GRID1: variants seen among roughly 807,000 people sequenced by gnomAD.
GRID1 encodes the protein glutamate ionotropic receptor delta type subunit 1, also known as glutamate receptor ionotropic, delta-1.
A neutral mutation model predicts 98.0 loss-of-function variants in GRID1; 28 were observed. The observed-to-expected ratio is 0.29, with a 90% CI of 0.21 to 0.39. The LOEUF (loss-of-function observed/expected upper bound fraction) is 0.39. Among genes scored for constraint, GRID1 ranks in the 10% least tolerant of loss-of-function variants. The probability of loss-of-function intolerance (pLI) is 1.00; values close to 1 mark genes in which losing one functional copy is unlikely to be tolerated. For synonymous variants in GRID1, 553 were observed against 538.5 expected, an observed-to-expected ratio of 1.03 and a Z score of -0.37; for missense variants, 1,111 against 1,340.5, an observed-to-expected ratio of 0.83 and a Z score of 2.67.
intron 13 of GRID1, among the ~76,000 whole-genome samples, chr10:85,622,470 G>A (rs772048366): frequency 2.0e-5 from 3 of 152,024 alleles, no homozygotes; most frequent in Non-Finnish European, 2.9e-5. Flanking sequence ...TGAACTCCTG[G>A]GCTCAAGCAA....
chr10:85,748,657 G>A (rs1412872105), intron 8 of GRID1, among the ~76,000 whole-genome samples: 1 of 152,020 alleles, frequency 6.6e-6, no homozygotes, highest in East Asian at 1.9e-4. Flanking sequence ...ATTGATAGCA[G>A]GTCCTCGTGA....
At chr10:86,222,332 G>A (rs942894078) in intron 2 of GRID1, among the ~76,000 whole-genome samples, 1 of 152,182 alleles carries the variant, frequency 6.6e-6, no homozygotes, top group African/African-American at 2.4e-5. Flanking sequence ...CCCAGCCCAG[G>A]GGGAGGGCGT....
At chr10:85,673,640 G>T (rs1018333014) in intron 12 of GRID1, among the ~76,000 whole-genome samples, 1 of 152,070 alleles carries the variant, frequency 6.6e-6, no homozygotes, top group Admixed American at 6.5e-5. Context: ...TGAGCATAAG[G>T]TACTTTAAAA....
chr10:85,683,907 G>A (rs1841238809), intron 12 of GRID1, among the ~76,000 whole-genome samples: 1 of 151,890 alleles, frequency 6.6e-6, no homozygotes, highest in Admixed American at 6.6e-5. Flanking sequence ...TCTCTCGCTG[G>A]GCACAAAGGA....
intron 4 of GRID1, among the ~76,000 whole-genome samples, chr10:86,073,694 G>A (rs1284073489): frequency 6.6e-6 from 1 of 152,222 alleles, no homozygotes; most frequent in Non-Finnish European, 1.5e-5. Flanking sequence ...ACCACTTGAT[G>A]CCAGGGTGAA....
At chr10:86,060,393 G>T (rs1168764862) in intron 4 of GRID1, among the ~76,000 whole-genome samples, 2 of 152,176 alleles carry the variant, frequency 1.3e-5, no homozygotes, top group East Asian at 3.9e-4. Flanking sequence ...TGGGAAGCTT[G>T]CCCAATTCTA....
At chr10:86,248,604 G>T (rs528363468) in intron 2 of GRID1, among the ~76,000 whole-genome samples, 3 of 131,788 alleles carry the variant, frequency 2.3e-5, no homozygotes. Context: ...TTGAGACAAG[G>T]TCTCACTCTG....
intron 4 of GRID1, among the ~76,000 whole-genome samples, chr10:85,994,983 T>C (rs1258071345): frequency 6.6e-6 from 1 of 152,224 alleles, no homozygotes; most frequent in Non-Finnish European, 1.5e-5. Context: ...ATAGACACTG[T>C]TTGCCTTCAC....
intron 12 of GRID1, among the ~76,000 whole-genome samples, chr10:85,720,601 C>T (rs921397765): frequency 6.9e-6 from 1 of 144,290 alleles, no homozygotes; most frequent in Non-Finnish European, 1.5e-5. Context: ...AGTATTAAAG[C>T]TATTGGGCAT....
chr10:85,720,161 T>C (rs2132646959), intron 12 of GRID1, among the ~76,000 whole-genome samples: 1 of 152,346 alleles, frequency 6.6e-6, no homozygotes, highest in South Asian at 2.1e-4. Flanking sequence ...GGGTTCAAAC[T>C]CAGTCCACTA....
chr10:86,245,735 C>A (rs1846716092), intron 2 of GRID1, among the ~76,000 whole-genome samples: 1 of 152,220 alleles, frequency 6.6e-6, no homozygotes, highest in Non-Finnish European at 1.5e-5. Flanking sequence ...CCAAAGCTGT[C>A]CCTGCCCCAC....
At position 86,295,552 on chromosome 10, in the gene GRID1, T is replaced by C. The variant is rs1325048403; in HGVS notation, c.235+68389A>G. ...CTGCTGCTCGGGGCTGTGGCCAGCATGGAGGAGAGAGGAGGTGTTGCAGAT... is the reference window on the plus strand; with the variant it reads ...CTGCTGCTCGGGGCTGTGGCCAGCACGGAGGAGAGAGGAGGTGTTGCAGAT... On this transcript the variant is annotated intron_variant, in intron 2 of 15. Transcript: ENST00000327946. Among the ~76,000 whole-genome samples, 4 of 152,000 alleles carry C rather than the reference T, an allele frequency of 2.6e-5. No homozygotes were observed. In the South Asian group the frequency reaches 6.2e-4, roughly 24 times the overall value.
chr10:86,072,309 C>T (rs1843816051), intron 4 of GRID1, among the ~76,000 whole-genome samples: 1 of 152,108 alleles, frequency 6.6e-6, no homozygotes, highest in Non-Finnish European at 1.5e-5. Context: ...TTATCACTAA[C>T]CAAGGGCCAG....
intron 6 of GRID1, among the ~76,000 whole-genome samples, chr10:85,865,963 A>ATATATATG (rs1564613333): frequency 4.6e-4 from 3 of 6,454 alleles, no homozygotes; most frequent in Admixed American, 1.2e-3. Flanking sequence ...ATGGAGAGAG[A>ATATATATG]GAGAGAGAGA....
At chr10:85,678,108 G>C (rs977017984) in intron 12 of GRID1, among the ~76,000 whole-genome samples, 3 of 152,130 alleles carry the variant, frequency 2.0e-5, no homozygotes, top group Non-Finnish European at 4.4e-5. Context: ...CAGACTCTAA[G>C]TTGGCCAAAG....
At chr10:86,259,746 G>A (rs989484170) in intron 2 of GRID1, among the ~76,000 whole-genome samples, 4 of 152,220 alleles carry the variant, frequency 2.6e-5, no homozygotes, top group Admixed American at 1.3e-4. Context: ...AGAAGGCAAA[G>A]GGAAGAGAGT....
chr10:86,055,560 T>C (rs1021262909), intron 4 of GRID1, among the ~76,000 whole-genome samples: 2 of 152,122 alleles, frequency 1.3e-5, no homozygotes, highest in Non-Finnish European at 2.9e-5. Flanking sequence ...CTGGCCAACA[T>C]GGTGAAACCC....
At chr10:85,605,641 G>A (rs1200647672) in intron 15 of GRID1, 2 of 152,190 alleles carry the variant, frequency 1.3e-5, no homozygotes, top group Non-Finnish European at 2.9e-5. Context: ...TAGGTTCCAG[G>A]GCTGCTCAAC....
chr10:86,158,046 C>A (rs1845270610), intron 3 of GRID1, among the ~76,000 whole-genome samples: 2 of 152,208 alleles, frequency 1.3e-5, no homozygotes, highest in South Asian at 4.1e-4. Flanking sequence ...TCTGCTGTGT[C>A]ATTTCATGCC....
Sources: allele counts gnomAD v4.1 joint callset (sites outside exome capture counted in the v4.1 genomes callset), GRCh38; gene constraint gnomAD v4.1.1; transcripts MANE v1.5; gene names NCBI Gene and HGNC (gene_info 2026-07-23, HGNC 2026-07-21).